Variants in MAF observed in about 807,000 individuals in gnomAD.
MAF encodes the protein transcription factor Maf.
In MAF, 10 loss-of-function variants were observed where a neutral mutation model predicts 22.0. The ratio of observed to expected loss-of-function variants is 0.45; its 90% CI spans 0.28 to 0.77. The LOEUF is 0.77. Ranked by LOEUF, MAF falls within the 30% of genes least tolerant of loss-of-function variation. MAF has a pLI of 0.12. For synonymous variants in MAF, 337 were observed against 255.8 expected (o/e 1.32, Z -3.03); for missense variants, 544 against 548.4 (o/e 0.99, Z 0.08).
chr16:79,289,226 T>C, the MAF span, among the ~76,000 whole-genome samples: 1 of 152,054 alleles, frequency 6.6e-6, no homozygotes, highest in East Asian at 1.9e-4. Flanking sequence ...GTTTCAAAAG[T>C]GCTCTGGCAG....
At chr16:79,277,844 C>T in the MAF span, among the ~76,000 whole-genome samples, 5 of 152,200 alleles carry the variant, frequency 3.3e-5, no homozygotes, top group Non-Finnish European at 5.9e-5. Flanking sequence ...CACAAGGTGT[C>T]TGGTCTTTAG....
the MAF span, among the ~76,000 whole-genome samples, chr16:79,447,147 G>T: frequency 5.9e-5 from 9 of 152,244 alleles, no homozygotes; most frequent in Middle Eastern, 3.4e-3. Context: ...GGTTAATACA[G>T]CTGATGACTT....
chr16:79,527,324 G>C, the MAF span, among the ~76,000 whole-genome samples: 7 of 152,176 alleles, frequency 4.6e-5, no homozygotes, highest in African/African-American at 1.7e-4. Flanking sequence ...CCTTGCTTAA[G>C]TGAATCTAAA....
the MAF span, among the ~76,000 whole-genome samples, chr16:79,541,496 A>T: frequency 6.6e-6 from 1 of 151,942 alleles, no homozygotes; most frequent in Non-Finnish European, 1.5e-5. Context: ...AAAAAATAAT[A>T]AATGCTGCTA....
chr16:79,423,843 C>T, the MAF span, among the ~76,000 whole-genome samples: 15 of 152,258 alleles, frequency 9.9e-5, no homozygotes, highest in African/African-American at 3.6e-4. Flanking sequence ...TTTTGTGATT[C>T]ATATTCAATC....
chr16:79,296,727 G>C, the MAF span, among the ~76,000 whole-genome samples: 1 of 151,860 alleles, frequency 6.6e-6, no homozygotes. Context: ...AGAAACCTCA[G>C]GCCTCAGAAC....
rs1913408027 is a variant in MAF, at chr16:79,594,694, T to A, written c.1119-141A>T. 4 of 1,459,308 alleles carry A rather than the reference T, an allele frequency of 2.7e-6. No individual in the cohort carries two copies. In the African/African-American group the frequency reaches 5.8e-5, roughly 21 times the overall value. 90.4% of individuals were successfully genotyped at this position (1,459,308 alleles called of 1,614,324 possible). A position where few individuals can be genotyped will look rare whatever the true frequency, so the allele number is the denominator to read the frequency against. ...TGTAATGAATGGCACTTACTCAGGATTTAGGAGTTCTTTGTAAGAAAAAAA... is the reference window on the plus strand; with the variant it reads ...TGTAATGAATGGCACTTACTCAGGAATTAGGAGTTCTTTGTAAGAAAAAAA... On this transcript the variant is annotated intron_variant, in intron 1 of 1. Coordinates refer to ENST00000326043, the MANE Select transcript of MAF (RefSeq NM_005360.5).
the MAF span, among the ~76,000 whole-genome samples, chr16:79,389,325 A>T: frequency 6.6e-6 from 1 of 152,132 alleles, no homozygotes; most frequent in Non-Finnish European, 1.5e-5. Context: ...GCAGTGGCAC[A>T]GTCTTGGTTC....
At chr16:79,334,030 T>G in the MAF span, among the ~76,000 whole-genome samples, 3 of 152,164 alleles carry the variant, frequency 2.0e-5, no homozygotes, top group Non-Finnish European at 4.4e-5. Flanking sequence ...GAATGACTTA[T>G]TCCTAATTCA....
At chr16:79,266,338 G>A in the MAF span, among the ~76,000 whole-genome samples, 11 of 152,274 alleles carry the variant, frequency 7.2e-5, no homozygotes, top group African/African-American at 2.6e-4. Context: ...ACCCTGGAAA[G>A]GAAAACCATG....
At chr16:79,365,714 C>T in the MAF span, among the ~76,000 whole-genome samples, 22 of 152,094 alleles carry the variant, frequency 1.4e-4, no homozygotes, top group Admixed American at 1.1e-3. Flanking sequence ...TTTTTATGTC[C>T]CCCATCTTCA....
the MAF span, among the ~76,000 whole-genome samples, chr16:79,460,667 C>T: frequency 2.0e-5 from 3 of 152,150 alleles, no homozygotes; most frequent in East Asian, 5.8e-4. Context: ...GATTGAAGTT[C>T]CTTGGAATCT....
chr16:79,573,365 A>G, the MAF span, among the ~76,000 whole-genome samples: 1 of 152,244 alleles, frequency 6.6e-6, no homozygotes, highest in Non-Finnish European at 1.5e-5. Context: ...TTAAAAATCT[A>G]GGTTGCTTTT....
the MAF span, among the ~76,000 whole-genome samples, chr16:79,410,486 T>C: frequency 6.6e-6 from 1 of 152,254 alleles, no homozygotes; most frequent in Non-Finnish European, 1.5e-5. Flanking sequence ...TTCACCTATG[T>C]GGTCCACAGA....
chr16:79,257,054 G>C, the MAF span, among the ~76,000 whole-genome samples: 1 of 152,128 alleles, frequency 6.6e-6, no homozygotes, highest in Non-Finnish European at 1.5e-5. Context: ...GTGGGCGCCT[G>C]TAGTCTTGGT....
chr16:79,594,776 T>G (rs1913414902), intron 1 of MAF: 2 of 1,338,924 alleles, frequency 1.5e-6, no homozygotes, highest in Non-Finnish European at 1.9e-6. Context: ...TAATTGTTAT[T>G]TCTAAAAATG....
At chr16:79,426,898 G>C in the MAF span, among the ~76,000 whole-genome samples, 2 of 152,332 alleles carry the variant, frequency 1.3e-5, no homozygotes, top group East Asian at 3.9e-4. Context: ...AAGATAGGCA[G>C]GGCTGAGAGG....
the MAF span, among the ~76,000 whole-genome samples, chr16:79,210,812 G>A: frequency 5.9e-5 from 9 of 152,144 alleles, no homozygotes; most frequent in South Asian, 4.2e-4. Flanking sequence ...CACTGCACAC[G>A]TCCCTAGCCA....
chr16:79,223,096 T>G, the MAF span, among the ~76,000 whole-genome samples: 11 of 152,136 alleles, frequency 7.2e-5, no homozygotes, highest in Non-Finnish European at 1.2e-4. Context: ...GCACTTATTG[T>G]AAAATTGACC....
Sources: allele counts gnomAD v4.1 joint callset (sites outside exome capture counted in the v4.1 genomes callset), GRCh38; gene constraint gnomAD v4.1.1; transcripts MANE v1.5; gene names NCBI Gene and HGNC (gene_info 2026-07-23, HGNC 2026-07-21).